The following CLSTN2 variants were observed in gnomAD, a reference collection of about 807,000 sequenced individuals.
The protein encoded by CLSTN2 is calsyntenin 2, also known as calsyntenin-2.
CLSTN2 carries 48 observed loss-of-function variants against 101.2 expected under a neutral mutation model. That is an observed-to-expected ratio of 0.47 (90% CI 0.38 to 0.60). CLSTN2 has a LOEUF of 0.60. CLSTN2 is among the 20% of genes least tolerant of loss of function. The pLI, the probability that CLSTN2 is intolerant of heterozygous loss-of-function variation, is 0.00. For missense variants in CLSTN2, 1,160 were observed against 1,238.2 expected (o/e 0.94, Z 0.95); for synonymous variants, 481 against 463.6 (o/e 1.04, Z -0.48).
chr3:140,023,191 T>C (rs151012392), intron 1 of CLSTN2, among the ~76,000 whole-genome samples: 150 of 151,850 alleles, frequency 9.9e-4, no homozygotes, highest in African/African-American at 3.5e-3. Flanking sequence ...AGAGGAGAGG[T>C]TGTCTTGCAG....
intron 2 of CLSTN2, among the ~76,000 whole-genome samples, chr3:140,309,738 T>A (rs2087147121): frequency 6.6e-6 from 1 of 152,042 alleles, no homozygotes; most frequent in Admixed American, 6.6e-5. Flanking sequence ...CCCCCGTGAC[T>A]AAGTCTTTCC....
chr3:140,492,079 T>A (rs936027497), intron 8 of CLSTN2, among the ~76,000 whole-genome samples: 2 of 152,096 alleles, frequency 1.3e-5, no homozygotes, highest in African/African-American at 4.8e-5. Context: ...CTCAACTTCA[T>A]TATATGTTGG....
Position 140,571,141 on chromosome 3 carries a change from T to A in CLSTN2, c.*4888T>A, listed in dbSNP as rs1248608356. ...AGGCTCAGTGCCTTCCCAGCACAGC[T>A]CAGCCCATAATGATCTCTGAGCAGG... On this transcript the variant is annotated 3_prime_UTR_variant, in exon 17 of 17. Transcript: ENST00000458420. 1.3e-5 allele frequency: 2 copies of A among 152,194 alleles called. No homozygotes were observed. The highest frequency in any genetic ancestry group is 4.8e-5 in the African/African-American group (2 of 41,454). The allele number at this position is 152,194 out of a possible 1,614,324, so 9.4% of individuals were successfully genotyped here.
At chr3:140,296,768 T>C (rs1228892597) in intron 2 of CLSTN2, among the ~76,000 whole-genome samples, 1 of 152,230 alleles carries the variant, frequency 6.6e-6, no homozygotes, top group African/African-American at 2.4e-5. Flanking sequence ...TTTCTAATCA[T>C]AGCAAAGGCT....
chr3:140,459,841 A>G lies in CLSTN2; in HGVS notation c.1222+72A>G. 2.6e-6 allele frequency: 4 copies of G among 1,533,096 alleles called. 1 individual carries two copies. In the South Asian group the frequency reaches 4.6e-5, roughly 17 times the overall value. 95.0% of individuals were successfully genotyped at this position (1,533,096 alleles called of 1,614,324 possible). ...CCCATTTTGTCACAGGTGGCTGGAC[A>G]TGGACACAGCCAAGGAGGATGTGGA... On this transcript the variant is annotated intron_variant, in intron 7 of 16. Transcript: ENST00000458420.
intron 10 of CLSTN2, among the ~76,000 whole-genome samples, chr3:140,554,921 T>G: frequency 6.6e-6 from 1 of 152,294 alleles, no homozygotes; most frequent in Admixed American, 6.5e-5. Context: ...AAGAAAAAAA[T>G]GGAAATCTAT....
At chr3:140,022,164 T>C (rs2007332294) in intron 1 of CLSTN2, among the ~76,000 whole-genome samples, 1 of 152,042 alleles carries the variant, frequency 6.6e-6, no homozygotes, top group South Asian at 2.1e-4. Context: ...CTGAAGGAGA[T>C]GAGAGAAGCA....
intron 1 of CLSTN2, among the ~76,000 whole-genome samples, chr3:140,157,699 ATTGT>A (rs142728192): frequency 0.038 from 5,736 of 152,174 alleles, 233 homozygotes; most frequent in African/African-American, 0.11. Flanking sequence ...GGTTTCATTG[ATTGT>A]TTGTATGGAT....
intron 8 of CLSTN2, among the ~76,000 whole-genome samples, chr3:140,480,915 T>G (rs1452405185): frequency 1.3e-5 from 2 of 152,228 alleles, no homozygotes. Context: ...ACTCTGATGA[T>G]AGTTTCTTTT....
intron 2 of CLSTN2, among the ~76,000 whole-genome samples, chr3:140,336,843 A>G (rs937082718): frequency 6.6e-6 from 1 of 152,170 alleles, no homozygotes; most frequent in Admixed American, 6.5e-5. Flanking sequence ...TTCACTGGAC[A>G]ATGGGCTAAC....
At chr3:140,535,079 T>C (rs1273115840) in intron 9 of CLSTN2, among the ~76,000 whole-genome samples, 2 of 152,194 alleles carry the variant, frequency 1.3e-5, no homozygotes, top group African/African-American at 2.4e-5. Context: ...CAAATTACTT[T>C]CCACCAATGC....
At chr3:140,125,670 G>A (rs1406899199) in intron 1 of CLSTN2, among the ~76,000 whole-genome samples, 1 of 152,150 alleles carries the variant, frequency 6.6e-6, no homozygotes, top group Non-Finnish European at 1.5e-5. Flanking sequence ...GTTGTCTGCA[G>A]TGCTGATTAC....
intron 1 of CLSTN2, among the ~76,000 whole-genome samples, chr3:140,055,645 C>T (rs1216512894): frequency 6.6e-6 from 1 of 152,158 alleles, no homozygotes; most frequent in Admixed American, 6.5e-5. Flanking sequence ...TAGTACCTAC[C>T]GTGAAGTAGG....
intron 2 of CLSTN2, among the ~76,000 whole-genome samples, chr3:140,378,067 T>G (rs1364009093): frequency 6.6e-6 from 1 of 152,242 alleles, no homozygotes; most frequent in Non-Finnish European, 1.5e-5. Context: ...ATACAGTAAT[T>G]TGCTGTACAG....
At position 140,571,436 on chromosome 3, in the gene CLSTN2, A is replaced by T. The variant is rs1456576262; in HGVS notation, c.*5183A>T. 6.6e-6 allele frequency: 1 copy of T among 152,222 alleles called. No homozygotes were observed. Among genetic ancestry groups the T allele is most frequent in the African/African-American group, 2.4e-5 (1 of 41,466 alleles). 9.4% of individuals were successfully genotyped at this position (152,222 alleles called of 1,614,324 possible). A position where few individuals can be genotyped will look rare whatever the true frequency, so the allele number is the denominator to read the frequency against. On this transcript the variant is annotated 3_prime_UTR_variant, in exon 17 of 17. Coordinates refer to ENST00000458420, the MANE Select transcript of CLSTN2 (RefSeq NM_022131.3). ...GTAGGTAAGTGGGTTTAATTCTTTG[A>T]AAGTATTTGCCAGTGAAAAGTAGAT...
At chr3:140,435,486 A>G (rs1215467602) in intron 5 of CLSTN2, among the ~76,000 whole-genome samples, 1 of 152,190 alleles carries the variant, frequency 6.6e-6, no homozygotes, top group African/African-American at 2.4e-5. Flanking sequence ...CACTTAGGTT[A>G]CTTCCAAATC....
intron 2 of CLSTN2, among the ~76,000 whole-genome samples, chr3:140,303,787 GC>G (rs1161839028): frequency 6.6e-6 from 1 of 151,900 alleles, no homozygotes; most frequent in Non-Finnish European, 1.5e-5. Flanking sequence ...ATCCTAAGAG[GC>G]ATCAACTTGC....
chr3:140,283,684 T>C (rs1018698323), intron 2 of CLSTN2, among the ~76,000 whole-genome samples: 2 of 152,226 alleles, frequency 1.3e-5, no homozygotes, highest in African/African-American at 4.8e-5. Context: ...GAAAGATGAA[T>C]GAGTCCAAAC....
At chr3:140,305,397 T>A (rs994948001) in intron 2 of CLSTN2, among the ~76,000 whole-genome samples, 1 of 152,216 alleles carries the variant, frequency 6.6e-6, no homozygotes, top group African/African-American at 2.4e-5. Flanking sequence ...CTTAAGTTGC[T>A]GTGTGTATAG....
Sources: gnomAD v4.1 joint callset for allele counts (sites outside exome capture counted in the v4.1 genomes callset) on GRCh38, gnomAD v4.1.1 for gene constraint, MANE v1.5 for transcripts, NCBI Gene and HGNC (gene_info 2026-07-23, HGNC 2026-07-21) for gene names.